The following ANK3 variants were observed in gnomAD, a reference collection of about 807,000 sequenced individuals.
ANK3 encodes the protein ankyrin-3.
ANK3 carries 57 observed loss-of-function variants against 370.9 expected under a neutral mutation model. The observed-to-expected ratio is 0.15, with a 90% confidence interval of 0.12 to 0.19. The LOEUF is 0.19. Ranked by LOEUF, ANK3 falls within the 10% of genes least tolerant of loss-of-function variation. ANK3 has a pLI of 1.00. For synonymous variants in ANK3, 1,929 were observed against 1,946.3 expected (o/e 0.99, Z 0.23); for missense variants, 4,439 against 5,302.1 (o/e 0.84, Z 5.06).
At chr10:60,327,135 G>A (rs2050102507) in intron 1 of ANK3, among the ~76,000 whole-genome samples, 2 of 152,198 alleles carry the variant, frequency 1.3e-5, no homozygotes, top group South Asian at 4.1e-4. Flanking sequence ...ATAAAAGGAA[G>A]AGCCAGACTG....
At chr10:60,670,918 T>C (rs2079057712) in intron 1 of ANK3, among the ~76,000 whole-genome samples, 1 of 152,174 alleles carries the variant, frequency 6.6e-6, no homozygotes, top group African/African-American at 2.4e-5. Flanking sequence ...TCTTCTGACC[T>C]ACAGCAAGGA....
chr10:60,054,131 G>T (rs1054109680), intron 42 of ANK3, among the ~76,000 whole-genome samples: 6 of 152,132 alleles, frequency 3.9e-5, no homozygotes, highest in Admixed American at 3.3e-4. Context: ...TACACACACA[G>T]CGGTGTTTAT....
chr10:60,051,386 CACAACCACAAGGAAGGAGTTTCT>C lies in ANK3; in HGVS notation c.13065+4249_13065+4271del, dbSNP rs527384661. On this transcript the variant is annotated intron_variant, in intron 42 of 43. Transcript: ENST00000280772. Reference sequence around the variant, plus strand: ...TTCATTATCAAGCATGCTGAAATTTCACAACCACAAGGAAGGAGTTTCTACAACCACAAGGAAGGAGTTTCTAA... The same window carrying C: ...TTCATTATCAAGCATGCTGAAATTTCACAACCACAAGGAAGGAGTTTCTAA... 3.2e-3 allele frequency: 1,891 copies of C among 593,244 alleles called. 5 individuals carry two copies. The highest frequency in any genetic ancestry group is 4.4e-3 in the Admixed American group (70 of 15,810). 36.7% of individuals were successfully genotyped at this position (593,244 alleles called of 1,614,324 possible). A position where few individuals can be genotyped will look rare whatever the true frequency, so the allele number is the denominator to read the frequency against.
chr10:60,592,667 G>A (rs1458690115), intron 2 of ANK3, among the ~76,000 whole-genome samples: 1 of 152,198 alleles, frequency 6.6e-6, no homozygotes, highest in Non-Finnish European at 1.5e-5. Context: ...GGGAGGCTGA[G>A]GCAGAAGAAT....
intron 43 of ANK3, among the ~76,000 whole-genome samples, chr10:60,035,174 C>A (rs1005725679): frequency 4.6e-5 from 7 of 152,040 alleles, no homozygotes; most frequent in African/African-American, 1.2e-4. Context: ...ATCCGAATAA[C>A]CCTGAGGTAC....
chr10:60,100,588 T>C lies in ANK3; in HGVS notation c.3328+5317A>G, dbSNP rs151121087. On this transcript the variant is annotated intron_variant, in intron 28 of 43. Coordinates refer to ENST00000280772, the MANE Select transcript of ANK3 (RefSeq NM_020987.5). Reference sequence around the variant, plus strand: ...TTTCCTGTTTACAATAAAACAATAGTGTAACTATTCAATCTAAAATGTATT... The same window carrying C: ...TTTCCTGTTTACAATAAAACAATAGCGTAACTATTCAATCTAAAATGTATT... Among the ~76,000 whole-genome samples the C allele has an allele frequency of 9.8e-3, 1,494 of 152,298 alleles. 85 individuals carry two copies. Among genetic ancestry groups the C allele is most frequent in the Admixed American group, 0.078 (1,186 of 15,292 alleles).
intron 2 of ANK3, among the ~76,000 whole-genome samples, chr10:60,526,710 G>C (rs1334826826): frequency 6.6e-6 from 1 of 152,094 alleles, no homozygotes; most frequent in African/African-American, 2.4e-5. Context: ...CAGTGGAAAA[G>C]AAATGAGAGA....
At chr10:60,183,362 C>T (rs1031769489) in intron 17 of ANK3, among the ~76,000 whole-genome samples, 9 of 152,128 alleles carry the variant, frequency 5.9e-5, no homozygotes, top group African/African-American at 9.6e-5. Context: ...AATCCACTCA[C>T]TCATAGATTA....
chr10:60,383,755 C>A (rs2061868012), intron 1 of ANK3, among the ~76,000 whole-genome samples: 1 of 152,160 alleles, frequency 6.6e-6, no homozygotes, highest in African/African-American at 2.4e-5. Context: ...TCTACACAAT[C>A]TTCTACCATA....
Position 60,295,550 on chromosome 10 carries a change from A to G in ANK3, c.115-15911T>C, listed in dbSNP as rs541047387. Among the ~76,000 whole-genome samples the G allele has an allele frequency of 2.7e-3, 409 of 152,262 alleles. 2 individuals are homozygous for G. Among genetic ancestry groups the G allele is most frequent in the African/African-American group, 9.6e-3 (397 of 41,542 alleles). ...TACAGGGACTGAACCCACGAACTTG[A>G]CCTCATTTGCCCAGTGCTTTCAGGA... On this transcript the variant is annotated intron_variant, in intron 1 of 43. Transcript: ENST00000280772.
chr10:60,288,457 T>C (rs1314458399), intron 1 of ANK3, among the ~76,000 whole-genome samples: 1 of 152,072 alleles, frequency 6.6e-6, no homozygotes, highest in African/African-American at 2.4e-5. Flanking sequence ...TCAGAGAAGC[T>C]CATCGGGAAG....
chr10:60,488,366 A>C (rs1377100290), intron 2 of ANK3, among the ~76,000 whole-genome samples: 2 of 152,180 alleles, frequency 1.3e-5, no homozygotes, highest in African/African-American at 4.8e-5. Context: ...GCTCCTGAAA[A>C]ATATGTTGAG....
chr10:60,508,080 T>A (rs2075985466), intron 2 of ANK3: 1 of 152,158 alleles, frequency 6.6e-6, no homozygotes, highest in South Asian at 2.1e-4. Context: ...ATGTTTTACT[T>A]TGGGTGGGAC....
At position 60,278,925 on chromosome 10, in the gene ANK3, G is replaced by T. The variant is rs1018612557; in HGVS notation, c.316-53C>A. 1.9e-5 allele frequency: 30 copies of T among 1,591,742 alleles called. No individual in the cohort carries two copies. In the East Asian group the frequency reaches 5.8e-4, roughly 31 times the overall value. Reference sequence around the variant, plus strand: ...ACTCATCGATCTTTTGAATTTTCCTGTTCTCCCCAAAGAGAACAAATTTGA... The same window carrying T: ...ACTCATCGATCTTTTGAATTTTCCTTTTCTCCCCAAAGAGAACAAATTTGA... On this transcript the variant is annotated intron_variant, in intron 3 of 43. Transcript: ENST00000280772.
At chr10:60,509,605 A>G (rs1425081271) in intron 2 of ANK3, among the ~76,000 whole-genome samples, 1 of 152,166 alleles carries the variant, frequency 6.6e-6, no homozygotes, top group Non-Finnish European at 1.5e-5. Flanking sequence ...TCATTTTGAC[A>G]TGTTTTTGAA....
intron 7 of ANK3, among the ~76,000 whole-genome samples, chr10:60,240,145 C>T (rs1217955984): frequency 1.7e-4 from 23 of 132,000 alleles, no homozygotes; most frequent in South Asian, 7.1e-4. Context: ...TATATATACA[C>T]ATATATATAC....
intron 1 of ANK3, among the ~76,000 whole-genome samples, chr10:60,662,281 CT>C (rs1397070507): frequency 6.6e-6 from 1 of 152,024 alleles, no homozygotes; most frequent in Non-Finnish European, 1.5e-5. Context: ...ATATTGTGAT[CT>C]GAAACATAGT....
At chr10:60,057,445 A>C (rs746015206) in intron 41 of ANK3, among the ~76,000 whole-genome samples, 2 of 152,204 alleles carry the variant, frequency 1.3e-5, no homozygotes, top group Non-Finnish European at 2.9e-5. Flanking sequence ...TATTCCTTTA[A>C]ATCAGATTCT....
intron 2 of ANK3, among the ~76,000 whole-genome samples, chr10:60,490,799 A>T (rs938518406): frequency 6.6e-6 from 1 of 152,234 alleles, no homozygotes; most frequent in Non-Finnish European, 1.5e-5. Flanking sequence ...TGACTGGCAT[A>T]TAATAAAATG....
Sources: allele counts gnomAD v4.1 joint callset (sites outside exome capture counted in the v4.1 genomes callset), GRCh38; gene constraint gnomAD v4.1.1; transcripts MANE v1.5; gene names NCBI Gene and HGNC (gene_info 2026-07-23, HGNC 2026-07-21).